Variants in CHD2 observed in about 807,000 individuals in gnomAD.
The protein encoded by CHD2 is chromodomain helicase DNA binding protein 2.
CHD2 carries 28 observed loss-of-function variants against 243.9 expected under a neutral mutation model. The observed-to-expected ratio is 0.11, with a 90% CI of 0.09 to 0.16. The LOEUF (loss-of-function observed/expected upper bound fraction) is 0.16. CHD2 is among the 10% of genes least tolerant of loss of function. The probability of loss-of-function intolerance (pLI) is 1.00; values close to 1 mark genes in which losing one functional copy is unlikely to be tolerated. For synonymous variants in CHD2, 775 were observed against 779.0 expected, an observed-to-expected ratio of 0.99 and a Z score of 0.09; for missense variants, 1,386 against 2,209.8, an observed-to-expected ratio of 0.63 and a Z score of 7.47.
chr15:93,019,717 T>C (rs1201775727), intron 37 of CHD2, among the ~76,000 whole-genome samples: 1 of 152,116 alleles, frequency 6.6e-6, no homozygotes, highest in Non-Finnish European at 1.5e-5. Context: ...GCGGATCACC[T>C]GAGGTCAGGA....
At chr15:93,003,825 A>C (rs1429334498) in intron 33 of CHD2, among the ~76,000 whole-genome samples, 1 of 151,990 alleles carries the variant, frequency 6.6e-6, no homozygotes, top group Non-Finnish European at 1.5e-5. Flanking sequence ...CTGTATGCTT[A>C]AAAATGTACA....
At chr15:92,900,953 T>C (rs920923266) in intron 1 of CHD2, 129 bp downstream of exon 1, 9 of 460,478 alleles carry the variant, frequency 2.0e-5, no homozygotes, top group Admixed American at 8.4e-5. Context: ...TCTAGTGTGC[T>C]ACTTTGAGAA....
chr15:93,011,311 C>T (rs1210369671), intron 35 of CHD2, among the ~76,000 whole-genome samples: 4 of 152,052 alleles, frequency 2.6e-5, no homozygotes, highest in East Asian at 3.8e-4. Flanking sequence ...GAAGGAAGTG[C>T]GTGAAGAGTA....
intron 8 of CHD2, 65 bp from the exon 9 acceptor site, chr15:92,942,778 C>T (rs2053403674): frequency 2.3e-6 from 3 of 1,310,668 alleles, no homozygotes; most frequent in East Asian, 4.8e-5. Context: ...TAATTGCATT[C>T]TTGGGAAGCT....
At chr15:92,941,714 G>A in intron 7 of CHD2, 108 bp from the exon 8 acceptor site, 4 of 1,139,794 alleles carry the variant, frequency 3.5e-6, no homozygotes, top group Non-Finnish European at 5.0e-6. Flanking sequence ...AAAACAACAT[G>A]CTTTTGGAAC....
At chr15:92,980,281 A>G (rs897605751) in intron 22 of CHD2, among the ~76,000 whole-genome samples, 1 of 149,900 alleles carries the variant, frequency 6.7e-6, no homozygotes, top group Non-Finnish European at 1.5e-5. Context: ...GACTGGTCTC[A>G]AACTCCTGAC....
Position 92,985,484 on chromosome 15 carries a change from T to G in CHD2, c.3238-14T>G. ...GCACTTGTTACAGTGTGACTTTGCCTCGATCTTTCTCAGGCTCAGACAAAT... is the reference window on the plus strand; with the variant it reads ...GCACTTGTTACAGTGTGACTTTGCCGCGATCTTTCTCAGGCTCAGACAAAT... On this transcript the variant is annotated splice_polypyrimidine_tract_variant and intron_variant, in intron 25 of 38. Coordinates refer to ENST00000394196, the MANE Select transcript of CHD2 (RefSeq NM_001271.4). 6.2e-7 allele frequency: 1 copy of G among 1,601,936 alleles called. No individual in the cohort carries two copies. The highest frequency in any genetic ancestry group is 1.3e-5 in the African/African-American group (1 of 74,714).
chr15:92,923,795 A>AC (rs1468161456), intron 2 of CHD2, among the ~76,000 whole-genome samples: 2 of 151,192 alleles, frequency 1.3e-5, no homozygotes, highest in African/African-American at 4.9e-5. Context: ...CGATCTCCTG[A>AC]CCTCGTGATC....
chr15:92,931,441 G>A (rs2053164411), intron 5 of CHD2, among the ~76,000 whole-genome samples: 1 of 152,128 alleles, frequency 6.6e-6, no homozygotes. Flanking sequence ...GTGCAGTGGT[G>A]CAACCTTGGC....
intron 5 of CHD2, among the ~76,000 whole-genome samples, chr15:92,932,930 A>G (rs1270797215): frequency 1.3e-5 from 2 of 151,984 alleles, no homozygotes; most frequent in Admixed American, 6.5e-5. Flanking sequence ...TTTAATAGAC[A>G]TGGGGTTTCA....
intron 2 of CHD2, among the ~76,000 whole-genome samples, chr15:92,908,248 A>T (rs866099552): frequency 3.2e-4 from 49 of 152,074 alleles, no homozygotes; most frequent in African/African-American, 1.1e-3. Flanking sequence ...TGCTCCATGG[A>T]TATAAATGTA....
At position 92,901,311 on chromosome 15, in the gene CHD2, C is replaced by A; in HGVS notation, c.62+12C>A. 6.4e-7 allele frequency: 1 copy of A among 1,572,478 alleles called. No individual in the cohort carries two copies. Among genetic ancestry groups the A allele is most frequent in the Non-Finnish European group, 8.7e-7 (1 of 1,145,342 alleles). On this transcript the variant is annotated intron_variant, in intron 2 of 38. Transcript: ENST00000394196. The stretch of plus-strand genomic sequence containing the variant: ...AGCAATGCATCGAGGTATGAGCTAT[C>A]AACTTTCTTCCTTTTTGTCTTTTTT...
chr15:92,936,868 G>A (rs1355800437), intron 5 of CHD2, among the ~76,000 whole-genome samples: 1 of 151,728 alleles, frequency 6.6e-6, no homozygotes, highest in Non-Finnish European at 1.5e-5. Context: ...GGGGCAGATA[G>A]GGGCAGGGTT....
Position 92,985,689 on chromosome 15 carries a change from G to T in CHD2, c.3413+16G>T. On this transcript the variant is annotated intron_variant, in intron 26 of 38. Transcript: ENST00000394196. ...AGATCCGAAGGTTGGTGGAGGCTCT[G>T]TTCTCACTGAGCTTGTTTGAAAGTG... 7 of 1,602,328 alleles carry T rather than the reference G, an allele frequency of 4.4e-6. No homozygotes were observed. The highest frequency in any genetic ancestry group is 1.3e-5 in the African/African-American group (1 of 74,882).
chr15:92,955,058 A>C (rs1220182857), intron 14 of CHD2, among the ~76,000 whole-genome samples: 1 of 152,196 alleles, frequency 6.6e-6, no homozygotes, highest in Admixed American at 6.5e-5. Context: ...TTTCCTATTC[A>C]AAAAGTAAAT....
intron 2 of CHD2, among the ~76,000 whole-genome samples, chr15:92,912,779 C>T (rs945069710): frequency 6.8e-6 from 1 of 147,278 alleles, no homozygotes; most frequent in Non-Finnish European, 1.5e-5. Context: ...CGTGATCCGC[C>T]AACCTTGTGA....
chr15:92,929,635 C>T (rs1002854243), intron 5 of CHD2, among the ~76,000 whole-genome samples: 2 of 151,798 alleles, frequency 1.3e-5, no homozygotes, highest in Non-Finnish European at 2.9e-5. Flanking sequence ...TTAAAAAGTT[C>T]GATTTATATG....
intron 16 of CHD2, among the ~76,000 whole-genome samples, chr15:92,966,355 C>T (rs147662794): frequency 2.0e-5 from 3 of 152,156 alleles, no homozygotes; most frequent in East Asian, 3.9e-4. Flanking sequence ...TGAGCTACTT[C>T]GCCCAGCCAG....
chr15:93,001,852 C>T (rs985178701), intron 32 of CHD2, among the ~76,000 whole-genome samples: 1 of 152,148 alleles, frequency 6.6e-6, no homozygotes, highest in South Asian at 2.1e-4. Context: ...GCAACCTAAT[C>T]AGTTATTAGC....
Sources: gnomAD v4.1 joint callset for allele counts (sites outside exome capture counted in the v4.1 genomes callset) on GRCh38, gnomAD v4.1.1 for gene constraint, MANE v1.5 for transcripts, NCBI Gene and HGNC (gene_info 2026-07-23, HGNC 2026-07-21) for gene names.